Variants in HERC3 observed in about 807,000 individuals in gnomAD.
HERC3 encodes the protein probable E3 ubiquitin-protein ligase HERC3.
A neutral mutation model predicts 129.9 loss-of-function variants in HERC3; 58 were observed. The ratio of observed to expected loss-of-function variants is 0.45; its 90% CI spans 0.36 to 0.56. HERC3 has a LOEUF of 0.56. HERC3 is among the 20% of genes least tolerant of loss of function. The pLI is 0.00. For missense variants in HERC3, 835 were observed against 1,244.2 expected, an observed-to-expected ratio of 0.67 and a Z score of 4.95; for synonymous variants, 430 against 451.0, an observed-to-expected ratio of 0.95 and a Z score of 0.59.
chr4:88,539,246 A>G, the HERC3 span, among the ~76,000 whole-genome samples: 28 of 152,306 alleles, frequency 1.8e-4, no homozygotes, highest in East Asian at 2.7e-3. Context: ...TGGTCTTAGC[A>G]ACCGGCAGAC....
chr4:88,698,267 A>G (rs1426371737), intron 23 of HERC3, among the ~76,000 whole-genome samples: 4 of 152,064 alleles, frequency 2.6e-5, no homozygotes. Context: ...GCAGTGGAGG[A>G]ACGGGCAAGC....
At chr4:88,705,164 G>A (rs1365703520) in intron 25 of HERC3, among the ~76,000 whole-genome samples, 1 of 152,032 alleles carries the variant, frequency 6.6e-6, no homozygotes, top group Non-Finnish European at 1.5e-5. Flanking sequence ...ACCACGCCTG[G>A]CCTGATTTTT....
At chr4:88,592,020 G>C (rs1469525206), upstream of HERC3, among the ~76,000 whole-genome samples, 1 of 152,052 alleles carries the variant, frequency 6.6e-6, no homozygotes, top group Non-Finnish European at 1.5e-5. Flanking sequence ...TCCTACGAAG[G>C]GGAGTAAAGC....
intron 3 of HERC3, among the ~76,000 whole-genome samples, chr4:88,620,904 AT>A (rs1725440980): frequency 6.6e-6 from 1 of 151,946 alleles, no homozygotes; most frequent in South Asian, 2.1e-4. Context: ...AGATGCCTCC[AT>A]TTACTACCCT....
intron 23 of HERC3, among the ~76,000 whole-genome samples, chr4:88,703,742 T>A (rs995158689): frequency 8.5e-5 from 13 of 152,260 alleles, no homozygotes; most frequent in African/African-American, 3.1e-4. Flanking sequence ...CTTTTTATTT[T>A]AAGCAGAAAA....
At chr4:88,601,724 T>C (rs1722984215) in intron 2 of HERC3, among the ~76,000 whole-genome samples, 1 of 152,212 alleles carries the variant, frequency 6.6e-6, no homozygotes, top group Non-Finnish European at 1.5e-5. Context: ...TGATTCTTAA[T>C]ATGGAGAGAC....
intron 2 of HERC3, among the ~76,000 whole-genome samples, chr4:88,605,160 T>G (rs1031682473): frequency 1.3e-4 from 20 of 152,290 alleles, no homozygotes; most frequent in Non-Finnish European, 2.5e-4. Flanking sequence ...AGTAGACATG[T>G]CAGAGGGATG....
At chr4:88,580,772 A>G in the HERC3 span, among the ~76,000 whole-genome samples, 2 of 152,158 alleles carry the variant, frequency 1.3e-5, no homozygotes, top group African/African-American at 4.8e-5. Flanking sequence ...AGAATGGCCA[A>G]ATATTAAGCC....
intron 1 of HERC3, among the ~76,000 whole-genome samples, chr4:88,595,143 C>CAGTCTTCA (rs1722220898): frequency 6.9e-6 from 1 of 144,366 alleles, no homozygotes; most frequent in Admixed American, 6.9e-5. Flanking sequence ...TGAAAGGAGA[C>CAGTCTTCA]AGTCTTCATA....
At chr4:88,541,531 A>G in the HERC3 span, among the ~76,000 whole-genome samples, 3 of 152,232 alleles carry the variant, frequency 2.0e-5, no homozygotes, top group African/African-American at 7.2e-5. Flanking sequence ...TAGACAGATC[A>G]GCAAGACAGA....
intron 16 of HERC3, among the ~76,000 whole-genome samples, chr4:88,670,687 T>G (rs1348290251): frequency 6.6e-6 from 1 of 152,054 alleles, no homozygotes; most frequent in African/African-American, 2.4e-5. Context: ...TAAAAATGCT[T>G]AAGATGGTAC....
At chr4:88,653,274 G>A (rs1041501117) in intron 6 of HERC3, among the ~76,000 whole-genome samples, 184 bp downstream of exon 6, 2 of 152,230 alleles carry the variant, frequency 1.3e-5, no homozygotes, top group Non-Finnish European at 2.9e-5. Context: ...AACAAAACCA[G>A]TAAATACACA....
At chr4:88,577,851 G>A in the HERC3 span, among the ~76,000 whole-genome samples, 3 of 152,080 alleles carry the variant, frequency 2.0e-5, no homozygotes, top group East Asian at 5.8e-4. Flanking sequence ...CCTATTCACA[G>A]AATTGTACTA....
At position 88,697,831 on chromosome 4, in the gene HERC3, C is replaced by T. The variant is rs1734813518; in HGVS notation, c.2658-6267C>T. The T allele has an allele frequency of 2.7e-6, 4 of 1,499,764 alleles. No individual in the cohort carries two copies. The East Asian group carries it at 9.3e-5, about 35-fold the overall frequency. The allele number at this position is 1,499,764 out of a possible 1,614,324, so 92.9% of individuals were successfully genotyped here. A position where few individuals can be genotyped will look rare whatever the true frequency, so the allele number is the denominator to read the frequency against. On this transcript the variant is annotated intron_variant, in intron 23 of 25. Coordinates refer to ENST00000402738, the MANE Select transcript of HERC3 (RefSeq NM_014606.3). Reference sequence around the variant, plus strand: ...CCCGAGCTGGTCCAGAGAGATCTTGCGGATGCGGCAAGTGGCGGTGACGTG... The same window carrying T: ...CCCGAGCTGGTCCAGAGAGATCTTGTGGATGCGGCAAGTGGCGGTGACGTG...
chr4:88,680,262 C>T (rs1358412406), intron 20 of HERC3, 26 bp downstream of exon 20: 5 of 1,543,602 alleles, frequency 3.2e-6, no homozygotes, highest in Non-Finnish European at 4.4e-6. Flanking sequence ...CACAATTAAA[C>T]AGATGGATTA....
chr4:88,607,938 G>C (rs1219119149), intron 3 of HERC3, among the ~76,000 whole-genome samples: 1 of 152,100 alleles, frequency 6.6e-6, no homozygotes, highest in Admixed American at 6.6e-5. Flanking sequence ...ATAGGTGTTT[G>C]CCCCTTTTTT....
chr4:88,636,278 C>A (rs553232031), intron 3 of HERC3, among the ~76,000 whole-genome samples: 1 of 152,036 alleles, frequency 6.6e-6, no homozygotes, highest in South Asian at 2.1e-4. Flanking sequence ...CACACATAGG[C>A]TCAAAATAAA....
rs557149647 is a variant in HERC3 at position 88,593,494 on chromosome 4, A to C, written c.-88+920A>C. On this transcript the variant is annotated intron_variant, in intron 1 of 25. Coordinates refer to ENST00000402738, the MANE Select transcript of HERC3 (RefSeq NM_014606.3). ...TATGCAGCATGAGCTCCAGGGAATA[A>C]GTATTTGAACTTTGCTGTTGGTCTG... The C allele has an allele frequency of 2.6e-5, 4 of 152,366 alleles. No individual in the cohort carries two copies. In the East Asian group the frequency reaches 7.7e-4, roughly 29 times the overall value. 9.4% of individuals were successfully genotyped at this position (152,366 alleles called of 1,614,324 possible).
the HERC3 span, among the ~76,000 whole-genome samples, chr4:88,541,897 A>G: frequency 2.0e-5 from 3 of 152,210 alleles, no homozygotes; most frequent in South Asian, 2.1e-4. Flanking sequence ...TTTGAAACCA[A>G]TGAGAACAAA....
Sources: allele counts gnomAD v4.1 joint callset (sites outside exome capture counted in the v4.1 genomes callset), GRCh38; gene constraint gnomAD v4.1.1; transcripts MANE v1.5; gene names NCBI Gene and HGNC (gene_info 2026-07-23, HGNC 2026-07-21).